The following COG5 variants were observed in gnomAD, a reference collection of about 807,000 sequenced individuals.
COG5 encodes conserved oligomeric Golgi complex subunit 5.
Under a neutral mutation model 110.4 loss-of-function variants are expected in COG5, and 86 were observed. That is an observed-to-expected ratio of 0.78 (90% CI 0.65 to 0.93). COG5 has a LOEUF of 0.93. Ranked by LOEUF, COG5 falls within the 40% of genes least tolerant of loss-of-function variation. The probability of loss-of-function intolerance (pLI) is 0.00; values close to 1 mark genes in which losing one functional copy is unlikely to be tolerated. For synonymous variants in COG5, 360 were observed against 334.6 expected (o/e 1.08, Z -0.83); for missense variants, 1,077 against 987.0 (o/e 1.09, Z -1.22).
intron 7 of COG5, among the ~76,000 whole-genome samples, chr7:107,406,150 AATATGATAC>A (rs1791821474): frequency 6.6e-6 from 1 of 152,236 alleles, no homozygotes; most frequent in Non-Finnish European, 1.5e-5. Context: ...AAACTATGAT[AATATGATAC>A]ATATGGCCTT....
At chr7:107,243,239 G>A (rs938688133) in intron 17 of COG5, among the ~76,000 whole-genome samples, 3 of 151,970 alleles carry the variant, frequency 2.0e-5, no homozygotes, top group African/African-American at 7.2e-5. Flanking sequence ...CTCGGCCTGG[G>A]GCGGTGGCTC....
At chr7:107,256,573 C>A (rs920657537) in intron 16 of COG5, among the ~76,000 whole-genome samples, 159 bp downstream of exon 16, 10 of 152,112 alleles carry the variant, frequency 6.6e-5, no homozygotes, top group African/African-American at 2.4e-4. Context: ...AAAACATAAA[C>A]ACACTTGTTA....
chr7:107,425,118 G>A (rs1018321616), intron 6 of COG5, among the ~76,000 whole-genome samples: 1 of 151,724 alleles, frequency 6.6e-6, no homozygotes, highest in South Asian at 2.1e-4. Context: ...TTTCCCTTCA[G>A]ATTTTTCAAA....
chr7:107,245,696 G>C (rs1430418218), intron 17 of COG5, among the ~76,000 whole-genome samples: 1 of 152,148 alleles, frequency 6.6e-6, no homozygotes, highest in African/African-American at 2.4e-5. Flanking sequence ...ACAAAACACT[G>C]CTCAAAGAAA....
At chr7:107,485,946 T>C (rs1797632624) in intron 6 of COG5, among the ~76,000 whole-genome samples, 1 of 152,114 alleles carries the variant, frequency 6.6e-6, no homozygotes, top group Non-Finnish European at 1.5e-5. Flanking sequence ...TGAGACTGGC[T>C]GATGGCATCA....
At chr7:107,303,496 C>T (rs1412227181) in intron 11 of COG5, among the ~76,000 whole-genome samples, 5 of 152,082 alleles carry the variant, frequency 3.3e-5, no homozygotes, top group Non-Finnish European at 7.4e-5. Flanking sequence ...GGCACAGTCA[C>T]GGCTCACTGT....
intron 7 of COG5, among the ~76,000 whole-genome samples, chr7:107,375,551 T>G (rs1399816687): frequency 6.6e-6 from 1 of 152,046 alleles, no homozygotes; most frequent in East Asian, 1.9e-4. Flanking sequence ...GCTATTATTT[T>G]GAGTGAGTAC....
At chr7:107,427,320 C>T (rs1392501990) in intron 6 of COG5, among the ~76,000 whole-genome samples, 1 of 152,058 alleles carries the variant, frequency 6.6e-6, no homozygotes, top group Admixed American at 6.6e-5. Flanking sequence ...TTGACATGGC[C>T]CAAACTTGAT....
intron 6 of COG5, among the ~76,000 whole-genome samples, chr7:107,441,255 CAAAAAAAAAAAAA>C (rs551026030): frequency 2.8e-5 from 2 of 71,342 alleles, no homozygotes; most frequent in South Asian, 6.6e-4. Flanking sequence ...GACTCCGTCT[CAAAAAAAAAAAAA>C]AAAAAAAAAG....
chr7:107,375,889 C>T (rs1377957999), intron 7 of COG5, among the ~76,000 whole-genome samples: 4 of 151,944 alleles, frequency 2.6e-5, no homozygotes, highest in Non-Finnish European at 4.4e-5. Flanking sequence ...GTGTTCCCCA[C>T]CCCACATTCA....
intron 6 of COG5, among the ~76,000 whole-genome samples, chr7:107,516,805 C>T (rs1290332928): frequency 2.0e-5 from 3 of 152,058 alleles, no homozygotes; most frequent in Non-Finnish European, 4.4e-5. Context: ...CAGAAAGCAA[C>T]AACAACAACA....
intron 6 of COG5, among the ~76,000 whole-genome samples, chr7:107,435,642 T>G (rs979996682): frequency 5.3e-5 from 8 of 151,916 alleles, no homozygotes; most frequent in Admixed American, 2.0e-4. Context: ...GACAGACACT[T>G]TGTCCCAGAA....
intron 1 of COG5, among the ~76,000 whole-genome samples, chr7:107,560,098 T>C (rs1317900083): frequency 2.6e-5 from 4 of 152,232 alleles, no homozygotes; most frequent in Non-Finnish European, 5.9e-5. Context: ...TTGCCTCTTA[T>C]TGGCTCTTGA....
At chr7:107,503,483 G>T (rs1255480485) in intron 6 of COG5, among the ~76,000 whole-genome samples, 1 of 151,986 alleles carries the variant, frequency 6.6e-6, no homozygotes, top group African/African-American at 2.4e-5. Flanking sequence ...TTGGTTATTT[G>T]GGCTCTTTTT....
chr7:107,383,777 T>A (rs557620894), intron 7 of COG5, among the ~76,000 whole-genome samples: 158 of 152,302 alleles, frequency 1.0e-3, no homozygotes, highest in Non-Finnish European at 2.0e-3. Flanking sequence ...CGGGAAGCCA[T>A]TAAAAGATGC....
At chr7:107,288,931 T>G (rs865799654) in intron 12 of COG5, among the ~76,000 whole-genome samples, 6,909 of 98,656 alleles carry the variant, frequency 0.07, 396 homozygotes, top group East Asian at 0.11. Flanking sequence ...TATATATATA[T>G]ATATATATAT....
chr7:107,475,511 A>ATATATTCAAC, intron 6 of COG5: 1 of 515,754 alleles, frequency 1.9e-6, no homozygotes, highest in East Asian at 3.1e-5. Context: ...GATAGGTCAT[A>ATATATTCAAC]TATATTCAAT....
Position 107,527,248 on chromosome 7 carries a change from A to G in COG5, c.527T>C (p.Leu176Pro). 1.3e-6 allele frequency: 2 copies of G among 1,584,108 alleles called. No individual in the cohort carries two copies. The highest frequency in any genetic ancestry group is 8.6e-7 in the Non-Finnish European group (1 of 1,162,510). The part of the protein sequence containing the change: ...SREITKAAQS[L>P]NELDYLSQGI... ...AAAAAAAAACTTACCAAGTTCATTG[A>G]GACTCTGAGCAGCTTTTGTTATCTC... The change falls in exon 6 of 22, where the codon CTC (leucine) becomes CCC (proline). Residue 176 changes from leucine to proline, a missense_variant. Leu to Pro is a moderately conservative substitution (Grantham distance 98). Transcript: ENST00000297135.
intron 6 of COG5, among the ~76,000 whole-genome samples, chr7:107,496,836 C>T (rs564506569): frequency 6.6e-6 from 1 of 151,952 alleles, no homozygotes. Flanking sequence ...TTCCTTAACA[C>T]AATAAAGGTC....
Sources: gnomAD v4.1 joint callset for allele counts (sites outside exome capture counted in the v4.1 genomes callset) on GRCh38, gnomAD v4.1.1 for gene constraint, MANE v1.5 for transcripts, NCBI Gene and HGNC (gene_info 2026-07-23, HGNC 2026-07-21) for gene names.